The following FOLH1 variants were observed in gnomAD, a reference collection of about 807,000 sequenced individuals.
The protein encoded by FOLH1 is folate hydrolase 1.
In FOLH1, 54 loss-of-function variants were observed where a neutral mutation model predicts 93.9. The observed-to-expected ratio is 0.57, with a 90% CI of 0.46 to 0.72. The LOEUF (loss-of-function observed/expected upper bound fraction) is 0.72. Among genes scored for constraint, FOLH1 ranks in the 30% least tolerant of loss-of-function variants. The pLI is 0.00. For synonymous variants in FOLH1, 249 were observed against 303.6 expected, an observed-to-expected ratio of 0.82 and a Z score of 1.87; for missense variants, 571 against 892.5, an observed-to-expected ratio of 0.64 and a Z score of 4.59.
chr11:49,147,478 C>A (rs1169032134), intron 18 of FOLH1, among the ~76,000 whole-genome samples: 2 of 151,932 alleles, frequency 1.3e-5, no homozygotes, highest in African/African-American at 4.8e-5. Context: ...AAAAGTCACA[C>A]TACCATGTTA....
chr11:49,182,186 G>T (rs1369726053), intron 7 of FOLH1, among the ~76,000 whole-genome samples: 2 of 151,704 alleles, frequency 1.3e-5, no homozygotes. Context: ...AAAATCAGCC[G>T]GGCATAGTGG....
At position 49,184,663 on chromosome 11, in the gene FOLH1, CTT is replaced by C. The variant is rs1187689117; in HGVS notation, c.826+1004_826+1005del. On this transcript the variant is annotated intron_variant, in intron 6 of 18. Transcript: ENST00000256999. ...TACAAAGCCAAAAAAAATACATACT[CTT>C]TACAGGAGTCTACAATTTAAGAGTA... Among the ~76,000 whole-genome samples, 7 of 152,286 alleles carry C rather than the reference CTT, an allele frequency of 4.6e-5. No homozygotes were observed. The South Asian group carries it at 1.2e-3, about 27-fold the overall frequency.
At chr11:49,176,101 C>T (rs866558618) in intron 7 of FOLH1, 144 bp from the exon 8 acceptor site, 1 of 780,404 alleles carries the variant, frequency 1.3e-6, no homozygotes, top group South Asian at 1.7e-5. Context: ...GTCATTTAAA[C>T]CTTACCATAA....
chr11:49,190,308 G>A (rs1861886850), intron 4 of FOLH1, among the ~76,000 whole-genome samples: 1 of 152,172 alleles, frequency 6.6e-6, no homozygotes, highest in African/African-American at 2.4e-5. Flanking sequence ...ATGAAAACAA[G>A]TGTGACAGAT....
At chr11:49,163,760 T>C (rs61886491) in intron 13 of FOLH1, among the ~76,000 whole-genome samples, 5,997 of 152,092 alleles carry the variant, frequency 0.039, 139 homozygotes, top group Non-Finnish European at 0.051. Flanking sequence ...CCTGTGTCTC[T>C]GTGCATGCCT....
chr11:49,204,951 C>T (rs544476923), intron 2 of FOLH1, among the ~76,000 whole-genome samples: 52 of 152,182 alleles, frequency 3.4e-4, no homozygotes, highest in South Asian at 8.3e-4. Flanking sequence ...GGGCTCACAC[C>T]GGTAATCCCA....
At chr11:49,193,050 G>C (rs541754555) in intron 3 of FOLH1, among the ~76,000 whole-genome samples, 156 bp from the exon 4 acceptor site, 1 of 152,138 alleles carries the variant, frequency 6.6e-6, no homozygotes, top group Non-Finnish European at 1.5e-5. Flanking sequence ...CACTATGCTA[G>C]AAGTTGTGAA....
Position 49,154,377 on chromosome 11 carries a change from C to G in FOLH1, c.1739G>C (p.Arg580Pro). 6.2e-7 allele frequency: 1 copy of G among 1,613,302 alleles called. No individual in the cohort carries two copies. The highest frequency in any genetic ancestry group is 8.5e-7 in the Non-Finnish European group (1 of 1,179,546). Residue 580 changes from arginine (R) to proline (P), a missense_variant, in exon 16 of 19, where the codon CGA (arginine) becomes CCA (proline). Around this residue, in one of 2 missense-constraint regions of FOLH1, gnomAD observed 500 missense variants for 822.9 expected, o/e 0.61. Transcript: ENST00000256999. The part of the protein sequence containing the change: ...FKYHLTVAQV[R>P]GGMVFELANS... ...GGCTAGCTCAAACACCATCCCTCCT[C>G]GAACCTGGGCCACAGTGAGGTGATA...
At chr11:49,187,075 C>T (rs1467394026) in intron 4 of FOLH1, among the ~76,000 whole-genome samples, 1 of 152,190 alleles carries the variant, frequency 6.6e-6, no homozygotes, top group African/African-American at 2.4e-5. Context: ...TACGTGTACA[C>T]ATTGCTGCAC....
Position 49,162,485 on chromosome 11 carries a change from C to A in FOLH1, c.1440+2220G>T, listed in dbSNP as rs1315668330. Among the ~76,000 whole-genome samples, 3 of 152,154 alleles carry A rather than the reference C, an allele frequency of 2.0e-5. No individual in the cohort carries two copies. The East Asian group carries it at 5.8e-4, about 29-fold the overall frequency. The stretch of plus-strand genomic sequence containing the variant: ...AAACTGGCTCATTTTACTGTCAGTT[C>A]CTGCAATGTTTTAACATGATTTTTA... On this transcript the variant is annotated intron_variant, in intron 13 of 18. Coordinates refer to ENST00000256999, the MANE Select transcript of FOLH1 (RefSeq NM_004476.3).
chr11:49,176,548 T>C (rs903549183), intron 7 of FOLH1, among the ~76,000 whole-genome samples: 4 of 152,194 alleles, frequency 2.6e-5, no homozygotes, highest in Admixed American at 2.6e-4. Context: ...AACATGGTAA[T>C]GTTTATGAAA....
rs1380723207 is a variant in FOLH1 at position 49,145,295 on chromosome 11, T to C, written c.*1461A>G. Among the ~76,000 whole-genome samples, 3 of 152,144 alleles carry C rather than the reference T, an allele frequency of 2.0e-5. No individual in the cohort carries two copies. The highest frequency in any genetic ancestry group is 7.2e-5 in the African/African-American group (3 of 41,460). On this transcript the variant is annotated 3_prime_UTR_variant, in exon 19 of 19. Transcript: ENST00000256999. The stretch of plus-strand genomic sequence containing the variant: ...AGAGGGTGCTTTTCAATCTGCTTTC[T>C]GTGTGCACCCTTGGCAAACTCTGGC...
intron 15 of FOLH1, chr11:49,155,647 G>A: frequency 6.1e-6 from 1 of 163,338 alleles, no homozygotes; most frequent in South Asian, 1.4e-4. Flanking sequence ...GTTGACAAAG[G>A]TTTCATCTGA....
chr11:49,157,617 A>G (rs1458578445), intron 14 of FOLH1, among the ~76,000 whole-genome samples: 3 of 151,908 alleles, frequency 2.0e-5, no homozygotes, highest in Non-Finnish European at 4.4e-5. Flanking sequence ...AGTAAGTATA[A>G]TGCAAATATT....
chr11:49,157,438 T>A (rs556346865), intron 14 of FOLH1, among the ~76,000 whole-genome samples: 45 of 152,154 alleles, frequency 3.0e-4, no homozygotes, highest in African/African-American at 1.0e-3. Context: ...AAACATTTCA[T>A]GCACCCCAAA....
intron 11 of FOLH1, 63 bp downstream of exon 11, chr11:49,171,132 G>T: frequency 1.4e-6 from 2 of 1,460,662 alleles, no homozygotes; most frequent in South Asian, 1.5e-5. Flanking sequence ...TTATGTGCTT[G>T]GCAAATAAGT....
chr11:49,203,740 G>T (rs529735291), intron 2 of FOLH1, among the ~76,000 whole-genome samples: 1 of 152,282 alleles, frequency 6.6e-6, no homozygotes, highest in African/African-American at 2.4e-5. Context: ...AGAAATAAAG[G>T]CATTTATTTT....
At chr11:49,204,288 C>G (rs1212577679) in intron 2 of FOLH1, among the ~76,000 whole-genome samples, 1 of 152,202 alleles carries the variant, frequency 6.6e-6, no homozygotes, top group Non-Finnish European at 1.5e-5. Context: ...TGTTATAAGG[C>G]CTTTTAAAAT....
rs1855812429 is a variant in FOLH1 at position 49,146,773 on chromosome 11, A to G, written c.2236T>C (p.Leu746=). 6.2e-7 allele frequency: 1 copy of G among 1,611,590 alleles called. No homozygotes were observed. Among genetic ancestry groups the G allele is most frequent in the African/African-American group, 1.3e-5 (1 of 74,908 alleles). ...GAATCCTCTTAGGCTACTTCACTCA[A>G]AGTCTCTGCAGCTGCCTGCACTGTG... ...AFTVQAAAET[L]SEVA Residue 746 remains leucine (L), a synonymous_variant, in exon 19 of 19, where the codon TTG becomes CTG. Transcript: ENST00000256999.
Sources: gnomAD v4.1 joint callset for allele counts (sites outside exome capture counted in the v4.1 genomes callset) on GRCh38, gnomAD v4.1.1 for gene constraint, gnomAD v4.1.1 regional missense constraint, MANE v1.5 for transcripts, NCBI Gene and HGNC (gene_info 2026-07-23, HGNC 2026-07-21) for gene names.